The following AGO2 variants were observed in gnomAD, a reference collection of about 807,000 sequenced individuals.
The protein encoded by AGO2 is argonaute RISC catalytic component 2.
Under a neutral mutation model 102.3 loss-of-function variants are expected in AGO2, and 5 were observed. The ratio of observed to expected loss-of-function variants is 0.05; its 90% CI spans 0.03 to 0.10. The LOEUF (loss-of-function observed/expected upper bound fraction) is 0.10. AGO2 is among the 10% of genes least tolerant of loss of function. AGO2 has a pLI of 1.00. For synonymous variants in AGO2, 449 were observed against 473.1 expected (o/e 0.95, Z 0.66); for missense variants, 541 against 1,183.7 (o/e 0.46, Z 7.97).
intron 17 of AGO2, 125 bp downstream of exon 17, chr8:140,535,343 G>A (rs2072678197): frequency 2.0e-6 from 2 of 1,003,556 alleles, no homozygotes; most frequent in African/African-American, 3.2e-5. Flanking sequence ...CCGGTTCCCT[G>A]GTACTGCCTG....
chr8:140,559,938 T>C (rs1008246730), intron 5 of AGO2, among the ~76,000 whole-genome samples: 13 of 152,262 alleles, frequency 8.5e-5, no homozygotes, highest in African/African-American at 3.1e-4. Context: ...CTTTTCATAA[T>C]AATCAGCTCC....
At chr8:140,546,707 C>T (rs752268682) in intron 13 of AGO2, among the ~76,000 whole-genome samples, 5 of 152,244 alleles carry the variant, frequency 3.3e-5, no homozygotes, top group Non-Finnish European at 5.9e-5. Flanking sequence ...CCTGCCCAAA[C>T]GCACAAATAA....
At position 140,549,104 on chromosome 8, in the gene AGO2, C is replaced by T. The variant is rs1447686771; in HGVS notation, c.1588+10G>A. 3.8e-6 allele frequency: 6 copies of T among 1,592,916 alleles called. No homozygotes were observed. The highest frequency in any genetic ancestry group is 2.7e-5 in the African/African-American group (2 of 74,662). On this transcript the variant is annotated intron_variant, in intron 12 of 18. Coordinates refer to ENST00000220592, the MANE Select transcript of AGO2 (RefSeq NM_012154.5). The stretch of plus-strand genomic sequence containing the variant: ...GGCTCCCCACAGCCAGCGGGAGCGC[C>T]CACACCTACCGTACACGGGCGTCTT...
chr8:140,624,880 CCA>C (rs1334746319), intron 1 of AGO2, among the ~76,000 whole-genome samples: 3 of 152,236 alleles, frequency 2.0e-5, no homozygotes, highest in Non-Finnish European at 4.4e-5. Context: ...GCAGCATCAA[CCA>C]CAGACAGACC....
At chr8:140,546,063 C>T (rs1480189400) in intron 13 of AGO2, among the ~76,000 whole-genome samples, 2 of 152,226 alleles carry the variant, frequency 1.3e-5, no homozygotes, top group Non-Finnish European at 2.9e-5. Context: ...CCACTTATGG[C>T]CCAAACTCCC....
intron 1 of AGO2, among the ~76,000 whole-genome samples, chr8:140,607,500 A>AATATAATAAG: frequency 6.3e-5 from 1 of 15,950 alleles, no homozygotes; most frequent in African/African-American, 1.8e-4. Context: ...ATATATATAT[A>AATATAATAAG]TATATATATA....
intron 1 of AGO2, among the ~76,000 whole-genome samples, chr8:140,591,514 T>C (rs1169994019): frequency 6.6e-6 from 1 of 152,232 alleles, no homozygotes; most frequent in Non-Finnish European, 1.5e-5. Flanking sequence ...CTTATTTTAG[T>C]GAGCAATACA....
chr8:140,536,726 G>A (rs368740019), intron 16 of AGO2, among the ~76,000 whole-genome samples: 73 of 152,258 alleles, frequency 4.8e-4, no homozygotes, highest in Admixed American at 1.5e-3. Flanking sequence ...GAGAAGTGGC[G>A]TGTAGGTGTC....
At chr8:140,606,409 C>T (rs1416162683) in intron 1 of AGO2, among the ~76,000 whole-genome samples, 1 of 152,132 alleles carries the variant, frequency 6.6e-6, no homozygotes, top group African/African-American at 2.4e-5. Context: ...CCATTTTTTT[C>T]CTAATCAACA....
intron 1 of AGO2, among the ~76,000 whole-genome samples, chr8:140,630,248 G>A (rs748276216): frequency 2.0e-5 from 3 of 152,144 alleles, no homozygotes; most frequent in Non-Finnish European, 4.4e-5. Flanking sequence ...CTGAGAGGCC[G>A]CCCGTCCACC....
intron 16 of AGO2, among the ~76,000 whole-genome samples, chr8:140,536,499 G>A (rs900151452): frequency 6.6e-6 from 1 of 151,792 alleles, no homozygotes; most frequent in Non-Finnish European, 1.5e-5. Context: ...GCTAATTTTT[G>A]TATTTTTAGT....
chr8:140,543,412 C>T (rs1453541741), intron 14 of AGO2, among the ~76,000 whole-genome samples: 1 of 152,216 alleles, frequency 6.6e-6, no homozygotes, highest in Non-Finnish European at 1.5e-5. Context: ...GATAGATTCT[C>T]TTGCTCCATA....
chr8:140,613,163 G>A (rs1288101658), intron 1 of AGO2, among the ~76,000 whole-genome samples: 1 of 152,122 alleles, frequency 6.6e-6, no homozygotes, highest in Non-Finnish European at 1.5e-5. Flanking sequence ...TAGCGCCACT[G>A]CACTCCAGCC....
At chr8:140,575,306 AC>A (rs2073447444) in intron 2 of AGO2, among the ~76,000 whole-genome samples, 1 of 143,774 alleles carries the variant, frequency 7.0e-6, no homozygotes, top group Non-Finnish European at 1.5e-5. Flanking sequence ...GCACAATCTC[AC>A]CTGGCACCTC....
At chr8:140,635,659 G>T (rs1376988296), upstream of AGO2, 6 of 354,040 alleles carry the variant, frequency 1.7e-5, no homozygotes, top group South Asian at 1.1e-4. Context: ...CCGGGGCGGC[G>T]GGCGGAGGCG....
rs570780162 is a variant in AGO2 at position 140,562,340 on chromosome 8, C to T, written c.518+113G>A. 319 of 1,340,084 alleles carry T rather than the reference C, an allele frequency of 2.4e-4. No homozygotes were observed. In the African/African-American group the frequency reaches 4.3e-3, roughly 18 times the overall value. 83.0% of individuals were successfully genotyped at this position (1,340,084 alleles called of 1,614,324 possible). On this transcript the variant is annotated intron_variant, in intron 4 of 18. Transcript: ENST00000220592. ...TCATCACAGAAAACCCACGTGACCA[C>T]TCCCACCCTGGATCCAAGAATGAGC...
In AGO2 at chr8:140,527,447, AGTT is replaced by A. The variant is rs2072524980; in HGVS notation, c.*4594_*4596del. On this transcript the variant is annotated 3_prime_UTR_variant, in exon 19 of 19. Transcript: ENST00000220592. The surrounding 1 kb of genome is among the most constrained non-coding windows in gnomAD (Gnocchi z 6.0). ...TGCGAAGTGGGACATCGTAAAAAGA[AGTT>A]GTCAAAAAATCAGTGCAATTATTTT... 1 of 153,102 alleles carries A rather than the reference AGTT, an allele frequency of 6.5e-6. No individual in the cohort carries two copies. The highest frequency in any genetic ancestry group is 2.4e-5 in the African/African-American group (1 of 41,452). 9.5% of individuals were successfully genotyped at this position (153,102 alleles called of 1,614,324 possible).
Position 140,557,394 on chromosome 8 carries a change from G to C in AGO2, c.879-158C>G, listed in dbSNP as rs1043126365. Among the ~76,000 whole-genome samples, 4 of 152,186 alleles carry C rather than the reference G, an allele frequency of 2.6e-5. No individual in the cohort carries two copies. The highest frequency in any genetic ancestry group is 9.7e-5 in the African/African-American group (4 of 41,440). ...CATGTCATGTGCTTTGGGTTATCTGGAATGTTTCTGAGCCCCTAAATTCTC... is the reference window on the plus strand; with the variant it reads ...CATGTCATGTGCTTTGGGTTATCTGCAATGTTTCTGAGCCCCTAAATTCTC... On this transcript the variant is annotated intron_variant, in intron 7 of 18. Coordinates refer to ENST00000220592, the MANE Select transcript of AGO2 (RefSeq NM_012154.5). The surrounding 1 kb of genome is among the most constrained non-coding windows in gnomAD (Gnocchi z 5.9).
chr8:140,618,831 G>A (rs1043910909), intron 1 of AGO2, among the ~76,000 whole-genome samples: 28 of 151,694 alleles, frequency 1.8e-4, no homozygotes, highest in East Asian at 1.2e-3. Context: ...AAAAAGAAAA[G>A]AAAAGAAAAC....
Sources: gnomAD v4.1 joint callset for allele counts (sites outside exome capture counted in the v4.1 genomes callset) on GRCh38, gnomAD v4.1.1 for gene constraint, Gnocchi (gnomAD v3.1) non-coding constraint, MANE v1.5 for transcripts, NCBI Gene and HGNC (gene_info 2026-07-23, HGNC 2026-07-21) for gene names.